Variants in HAPLN3 observed in about 807,000 individuals in gnomAD.
HAPLN3 encodes the protein hyaluronan and proteoglycan link protein 3, also known as extracellular link domain containing, 1.
A neutral mutation model predicts 28.1 loss-of-function variants in HAPLN3; 28 were observed. The ratio of observed to expected loss-of-function variants is 1.00; its 90% confidence interval spans 0.74 to 1.37. HAPLN3 has a LOEUF of 1.37. Among genes scored for constraint, HAPLN3 ranks in the 40% most tolerant of loss-of-function variants. The pLI, the probability that HAPLN3 is intolerant of heterozygous loss-of-function variation, is 0.00. For missense variants in HAPLN3, 513 were observed against 504.6 expected, an observed-to-expected ratio of 1.02 and a Z score of -0.16; for synonymous variants, 211 against 213.1, an observed-to-expected ratio of 0.99 and a Z score of 0.09.
rs373033491 is a variant in HAPLN3, at chr15:88,887,236, G to A, written c.63C>T (p.Tyr21=). ...CGCTGTTGGAGTAGTAGAAGCCGTT[G>A]TAGAAGGGCAGTCCGTAGGAGCCGG... ...LLPGSYGLPF[Y]NGFYYSNSAN... The change falls in exon 2 of 5, where the codon TAC becomes TAT. Residue 21 remains tyrosine (Y), a synonymous_variant. Transcript: ENST00000359595. 2 of 1,614,204 alleles carry A rather than the reference G, an allele frequency of 1.2e-6. No individual in the cohort carries two copies. Among genetic ancestry groups the A allele is most frequent in the South Asian group, 2.2e-5 (2 of 91,080 alleles).
chr15:88,886,175 C>A (rs988091591), intron 2 of HAPLN3, among the ~76,000 whole-genome samples: 4 of 151,024 alleles, frequency 2.6e-5, no homozygotes, highest in African/African-American at 9.7e-5. Flanking sequence ...CATGGAGAAA[C>A]CCCCATTTCT....
intron 1 of HAPLN3, among the ~76,000 whole-genome samples, chr15:88,892,065 T>G (rs1045852257): frequency 1.3e-5 from 2 of 152,170 alleles, no homozygotes; most frequent in African/African-American, 4.8e-5. Context: ...GGTAAACAAA[T>G]GCAGGCGTTT....
Position 88,881,510 on chromosome 15 carries a change from C to T in HAPLN3, c.340G>A (p.Asp114Asn). 6.2e-7 allele frequency: 1 copy of T among 1,614,108 alleles called. No individual in the cohort carries two copies. ...AIGLRHRSFG[D>N]YQGRVHLRQD... is the part of the protein sequence containing the mutation. ...CGCAGGTGCACGCGGCCTTGGTAGT[C>T]CCCAAAGGAGCGGTGCCTCAGCCCG... Residue 114 changes from aspartate (D) to asparagine (N), a missense_variant, in exon 3 of 5, where the codon GAC becomes AAC. By Grantham distance (23) the Asp-to-Asn change is conservative (BLOSUM62 1). Coordinates refer to ENST00000359595, the MANE Select transcript of HAPLN3 (RefSeq NM_178232.4). This position sits in a 1 kb window ranked among gnomAD's most constrained non-coding sequence, Gnocchi z 6.0.
rs1346710515 is a variant in HAPLN3, at chr15:88,881,504, G to A, written c.346C>T (p.Gln116Ter). ...TCCTGCCGCAGGTGCACGCGGCCTT[G>A]GTAGTCCCCAAAGGAGCGGTGCCTC... Reference protein sequence around the residue: ...GLRHRSFGDYQGRVHLRQDKE... With the variant: ...GLRHRSFGDY Residue 116 changes from glutamine to a stop codon, truncating the protein, a stop_gained, in exon 3 of 5, where the codon CAA (glutamine) becomes TAA (stop). Transcript: ENST00000359595. LOFTEE classifies it high-confidence loss of function. This position sits in a 1 kb window ranked among gnomAD's most constrained non-coding sequence, Gnocchi z 6.0. 6.2e-7 allele frequency: 1 copy of A among 1,614,102 alleles called. No individual in the cohort carries two copies. Among genetic ancestry groups the A allele is most frequent in the Admixed American group, 1.7e-5 (1 of 60,024 alleles).
rs770986786 is a variant in HAPLN3, at chr15:88,887,307, G to A, written c.-9C>T. 21 of 1,613,820 alleles carry A rather than the reference G, an allele frequency of 1.3e-5. No individual in the cohort carries two copies. The highest frequency in any genetic ancestry group is 3.3e-4 in the Middle Eastern group (2 of 6,072). ...AGGAGCAACAGGCCCATCTCCTCAT[G>A]CCAGGGTGACCCGGGCCAGGCTGGG... On this transcript the variant is annotated 5_prime_UTR_variant, in exon 2 of 5. Transcript: ENST00000359595.
At chr15:88,889,588 G>A (rs564759905) in intron 1 of HAPLN3, among the ~76,000 whole-genome samples, 6 of 152,170 alleles carry the variant, frequency 3.9e-5, no homozygotes, top group East Asian at 3.9e-4. Context: ...CGCCCACCTC[G>A]GCCTCCCAAA....
intron 1 of HAPLN3, among the ~76,000 whole-genome samples, chr15:88,887,807 T>C (rs1046387831): frequency 6.6e-6 from 1 of 151,672 alleles, no homozygotes; most frequent in Non-Finnish European, 1.5e-5. Context: ...CTACTAAAAA[T>C]ACAAAATTAG....
rs150205606 is a variant in HAPLN3 at position 88,877,684 on chromosome 15, C to T, written c.*286G>A. ...GCCACCGCCCACTCTGGGCACCAACCTCCTTAAGGGAGGGAGACCAGCCTG... is the reference window on the plus strand; with the variant it reads ...GCCACCGCCCACTCTGGGCACCAACTTCCTTAAGGGAGGGAGACCAGCCTG... On this transcript the variant is annotated 3_prime_UTR_variant, in exon 5 of 5. Transcript: ENST00000359595. This position sits in a 1 kb window ranked among gnomAD's most constrained non-coding sequence, Gnocchi z 5.1. 1.4e-5 allele frequency: 5 copies of T among 363,416 alleles called. No homozygotes were observed. Among genetic ancestry groups the T allele is most frequent in the Non-Finnish European group, 2.5e-5 (5 of 202,104 alleles). The allele number at this position is 363,416 out of a possible 1,614,324, so 22.5% of individuals were successfully genotyped here.
chr15:88,882,750 T>G (rs1897740001), intron 2 of HAPLN3, among the ~76,000 whole-genome samples: 1 of 152,044 alleles, frequency 6.6e-6, no homozygotes, highest in Non-Finnish European at 1.5e-5. Context: ...ACGCTTATAA[T>G]CCCAACACTT....
At position 88,878,282 on chromosome 15, in the gene HAPLN3, G is replaced by A. The variant is rs571815751; in HGVS notation, c.797-26C>T. On this transcript the variant is annotated intron_variant, in intron 4 of 4. Transcript: ENST00000359595. ...CTGGGGGAAAGGGGGCGTGAGTGCCGTACAGCGCAGGGGGCAGCCAGAGAG... is the reference window on the plus strand; with the variant it reads ...CTGGGGGAAAGGGGGCGTGAGTGCCATACAGCGCAGGGGGCAGCCAGAGAG... 286 of 1,591,166 alleles carry A rather than the reference G, an allele frequency of 1.8e-4. 1 individual carries two copies. The South Asian group carries it at 2.7e-3, about 15-fold the overall frequency.
chr15:88,889,481 A>C (rs570449196), intron 1 of HAPLN3, among the ~76,000 whole-genome samples: 38 of 152,306 alleles, frequency 2.5e-4, no homozygotes, highest in Non-Finnish European at 5.0e-4. Context: ...GATTACAGGC[A>C]TGCGCCAACA....
chr15:88,886,114 C>T (rs980242101), intron 2 of HAPLN3, among the ~76,000 whole-genome samples: 1 of 151,956 alleles, frequency 6.6e-6, no homozygotes, highest in South Asian at 2.1e-4. Flanking sequence ...TTTTGGGAGG[C>T]TGAGGCGGGT....
At chr15:88,893,864 G>T (rs986608406) in intron 1 of HAPLN3, among the ~76,000 whole-genome samples, 1 of 150,840 alleles carries the variant, frequency 6.6e-6, no homozygotes, top group Non-Finnish European at 1.5e-5. Context: ...GGAGGCGGAG[G>T]TTGCAGTGAG....
chr15:88,879,597 G>C lies in HAPLN3; in HGVS notation c.494-328C>G. 4.5e-6 allele frequency: 6 copies of C among 1,323,808 alleles called. No individual in the cohort carries two copies. Among genetic ancestry groups the C allele is most frequent in the Non-Finnish European group, 5.9e-6 (6 of 1,014,082 alleles). The allele number at this position is 1,323,808 out of a possible 1,614,324, so 82.0% of individuals were successfully genotyped here. ...TGTGCCATCTTCTCCAGACAGGCCC[G>C]GGCTTTGGGCTCTAGGGGCCAGGTT... On this transcript the variant is annotated intron_variant, in intron 3 of 4. Coordinates refer to ENST00000359595, the MANE Select transcript of HAPLN3 (RefSeq NM_178232.4). This position sits in a 1 kb window ranked among gnomAD's most constrained non-coding sequence, Gnocchi z 5.0.
intron 2 of HAPLN3, among the ~76,000 whole-genome samples, chr15:88,885,757 T>G (rs1897836380): frequency 6.6e-6 from 1 of 151,966 alleles, no homozygotes; most frequent in Non-Finnish European, 1.5e-5. Context: ...GCCTGGCCAA[T>G]TTTTTGTATC....
rs188542621 is a variant in HAPLN3, at chr15:88,889,147, C to T, written c.-47-1802G>A. Among the ~76,000 whole-genome samples, 54 of 152,252 alleles carry T rather than the reference C, an allele frequency of 3.5e-4. No individual in the cohort carries two copies. The East Asian group carries it at 7.9e-3, about 22-fold the overall frequency. On this transcript the variant is annotated intron_variant, in intron 1 of 4. Transcript: ENST00000359595. ...TGCTGCTGCTGCTGGCCTCTGCGTC[C>T]CCCACTTCCTTGTTGGGTCCCCTCA... is the stretch of plus-strand genomic sequence containing the variant.
At chr15:88,891,563 G>A (rs1898013931) in intron 1 of HAPLN3, among the ~76,000 whole-genome samples, 2 of 152,204 alleles carry the variant, frequency 1.3e-5, no homozygotes, top group Admixed American at 1.3e-4. Context: ...CTCCCAAAGT[G>A]CTGGTATTAC....
Position 88,878,960 on chromosome 15 carries a change from C to T in HAPLN3, c.796+7G>A. ...CCCACAGGCCCGCGCTTGGCTATTCCACTCACCCTTGAGGGCAGTAGCGAA... is the reference window on the plus strand; with the variant it reads ...CCCACAGGCCCGCGCTTGGCTATTCTACTCACCCTTGAGGGCAGTAGCGAA... On this transcript the variant is annotated splice_region_variant and intron_variant, in intron 4 of 4. Transcript: ENST00000359595. 1.2e-6 allele frequency: 2 copies of T among 1,603,430 alleles called. No individual in the cohort carries two copies. Among genetic ancestry groups the T allele is most frequent in the African/African-American group, 1.3e-5 (1 of 74,868 alleles).
At position 88,883,175 on chromosome 15, in the gene HAPLN3, C is replaced by T. The variant is rs1266407080; in HGVS notation, c.125-1450G>A. On this transcript the variant is annotated intron_variant, in intron 2 of 4. Coordinates refer to ENST00000359595, the MANE Select transcript of HAPLN3 (RefSeq NM_178232.4). ...TGCAGAAGTCTCCAAGTGTGGCCCT[C>T]GGGCCAGCAGCATTAGCATCACCAG... 1.3e-5 allele frequency among the ~76,000 whole-genome samples: 2 copies of T among 152,186 alleles called. 1 individual carries two copies. The highest frequency in any genetic ancestry group is 2.9e-5 in the Non-Finnish European group (2 of 68,026).
Sources: gnomAD v4.1 joint callset for allele counts (sites outside exome capture counted in the v4.1 genomes callset) on GRCh38, gnomAD v4.1.1 for gene constraint, Gnocchi (gnomAD v3.1) non-coding constraint, MANE v1.5 for transcripts, NCBI Gene and HGNC (gene_info 2026-07-23, HGNC 2026-07-21) for gene names.